The following ATP9A variants were observed in gnomAD, a reference collection of about 807,000 sequenced individuals.
The protein encoded by ATP9A is probable phospholipid-transporting ATPase IIA.
A neutral mutation model predicts 144.1 loss-of-function variants in ATP9A; 52 were observed. The observed-to-expected ratio is 0.36, with a 90% CI of 0.29 to 0.45. The LOEUF (loss-of-function observed/expected upper bound fraction) is 0.45, where lower values mean the gene tolerates loss of function less well. ATP9A is among the 20% of genes least tolerant of loss of function. The pLI is 1.00. For missense variants in ATP9A, 947 were observed against 1,392.7 expected (o/e 0.68, Z 5.09); for synonymous variants, 582 against 557.4 (o/e 1.04, Z -0.62).
At chr20:51,736,358 C>G (rs922310509) in intron 1 of ATP9A, among the ~76,000 whole-genome samples, 2 of 152,160 alleles carry the variant, frequency 1.3e-5, no homozygotes, top group Non-Finnish European at 2.9e-5. Context: ...GTGGAATGAT[C>G]TCATTTATAG....
intron 2 of ATP9A, among the ~76,000 whole-genome samples, chr20:51,729,609 G>T (rs1487481855): frequency 6.6e-6 from 1 of 152,144 alleles, no homozygotes; most frequent in Admixed American, 6.5e-5. Flanking sequence ...GCCACGCGTG[G>T]TGGCACATGC....
intron 4 of ATP9A, among the ~76,000 whole-genome samples, chr20:51,697,830 G>A (rs2426377): frequency 0.35 from 53,218 of 151,926 alleles, 9,934 homozygotes; most frequent in East Asian, 0.64. Context: ...GCAAAGTACC[G>A]GGGGAAAAAA....
chr20:51,640,061 G>C (rs1275894381), intron 14 of ATP9A, among the ~76,000 whole-genome samples: 2 of 151,996 alleles, frequency 1.3e-5, no homozygotes, highest in East Asian at 3.9e-4. Flanking sequence ...CTCCAGCCTG[G>C]GTGACATAGC....
intron 9 of ATP9A, among the ~76,000 whole-genome samples, chr20:51,680,859 C>T (rs1392189402): frequency 6.6e-6 from 1 of 152,132 alleles, no homozygotes; most frequent in African/African-American, 2.4e-5. Flanking sequence ...CAATGCCCAG[C>T]TGCTCATACT....
At chr20:51,714,061 C>T (rs1450515238) in intron 3 of ATP9A, among the ~76,000 whole-genome samples, 1 of 151,400 alleles carries the variant, frequency 6.6e-6, no homozygotes, top group Non-Finnish European at 1.5e-5. Context: ...CACGCACCAC[C>T]ACGCCCAGCT....
chr20:51,686,879 G>A (rs1023433387), intron 9 of ATP9A, among the ~76,000 whole-genome samples: 1 of 151,456 alleles, frequency 6.6e-6, no homozygotes, highest in East Asian at 1.9e-4. Flanking sequence ...AGGTTGCAGC[G>A]AGCCAAGATG....
chr20:51,634,929 C>T (rs952139463), intron 15 of ATP9A, among the ~76,000 whole-genome samples: 1 of 151,152 alleles, frequency 6.6e-6, no homozygotes. Context: ...TTCCTCAATA[C>T]AAGTGCTCAG....
At chr20:51,675,443 A>G (rs1348548454) in intron 10 of ATP9A, among the ~76,000 whole-genome samples, 1 of 152,212 alleles carries the variant, frequency 6.6e-6, no homozygotes. Flanking sequence ...TGTAGCCTGG[A>G]CAGGGCACGG....
intron 14 of ATP9A, 31 bp downstream of exon 14, chr20:51,656,907 C>T: frequency 6.3e-7 from 1 of 1,594,888 alleles, no homozygotes; most frequent in Non-Finnish European, 8.6e-7. Context: ...GCAGGGCCTC[C>T]CCATGCCTTG....
At chr20:51,673,905 C>A (rs1319210337) in intron 11 of ATP9A, among the ~76,000 whole-genome samples, 1 of 151,934 alleles carries the variant, frequency 6.6e-6, no homozygotes, top group Non-Finnish European at 1.5e-5. Flanking sequence ...CAAAAATTAG[C>A]CAGGCATGGT....
intron 24 of ATP9A, among the ~76,000 whole-genome samples, chr20:51,609,574 G>A (rs1012906853): frequency 3.3e-5 from 5 of 152,100 alleles, no homozygotes; most frequent in African/African-American, 1.2e-4. Context: ...AATGGGGGTG[G>A]GTTTGCAGGC....
chr20:51,729,095 G>A (rs1429565714), intron 2 of ATP9A, among the ~76,000 whole-genome samples: 1 of 152,148 alleles, frequency 6.6e-6, no homozygotes, highest in Non-Finnish European at 1.5e-5. Flanking sequence ...AGATTAAAAT[G>A]CATCTTTATT....
At chr20:51,731,101 C>T (rs576055283) in intron 1 of ATP9A, among the ~76,000 whole-genome samples, 14 of 150,686 alleles carry the variant, frequency 9.3e-5, no homozygotes, top group South Asian at 4.2e-4. Context: ...GTCAGGAGTT[C>T]GAGATCAGCC....
chr20:51,740,126 A>G (rs2122887550), intron 1 of ATP9A, among the ~76,000 whole-genome samples: 1 of 152,114 alleles, frequency 6.6e-6, no homozygotes, highest in South Asian at 2.1e-4. Flanking sequence ...GCGAGATCAT[A>G]GCTCTCTGGA....
At chr20:51,739,314 A>G (rs189259767) in intron 1 of ATP9A, among the ~76,000 whole-genome samples, 251 of 148,682 alleles carry the variant, frequency 1.7e-3, no homozygotes, top group Middle Eastern at 3.6e-3. Flanking sequence ...TCAGTCCTAG[A>G]CTGCCATAGA....
intron 5 of ATP9A, among the ~76,000 whole-genome samples, 181 bp from the exon 6 acceptor site, chr20:51,696,325 T>C (rs1176711911): frequency 6.6e-6 from 1 of 152,246 alleles, no homozygotes; most frequent in Non-Finnish European, 1.5e-5. Flanking sequence ...TATTTTGTTT[T>C]GAATCTGAAA....
In ATP9A at chr20:51,646,847, T is replaced by C. The variant is rs537827745; in HGVS notation, c.1507-7343A>G. Among the ~76,000 whole-genome samples, 19 of 152,290 alleles carry C rather than the reference T, an allele frequency of 1.2e-4. No individual in the cohort carries two copies. In the East Asian group the frequency reaches 3.7e-3, roughly 29 times the overall value. On this transcript the variant is annotated intron_variant, in intron 14 of 27. Transcript: ENST00000338821. ...AAAGGTCACTTCTTGCCAGGCGCAGTGGCTCACGCCTGTAATCCCAACACC... is the reference window on the plus strand; with the variant it reads ...AAAGGTCACTTCTTGCCAGGCGCAGCGGCTCACGCCTGTAATCCCAACACC...
intron 1 of ATP9A, among the ~76,000 whole-genome samples, chr20:51,730,768 G>A (rs2077737431): frequency 6.6e-6 from 1 of 152,142 alleles, no homozygotes; most frequent in African/African-American, 2.4e-5. Context: ...TCTACATATA[G>A]AAAAAATACA....
intron 1 of ATP9A, among the ~76,000 whole-genome samples, chr20:51,753,454 A>AAAC (rs11472926): frequency 0.32 from 47,897 of 149,008 alleles, 8,325 homozygotes; most frequent in East Asian, 0.67. Flanking sequence ...CCGTCTCAAA[A>AAAC]AACAACAACA....
Sources: gnomAD v4.1 joint callset for allele counts (sites outside exome capture counted in the v4.1 genomes callset) on GRCh38, gnomAD v4.1.1 for gene constraint, MANE v1.5 for transcripts, NCBI Gene and HGNC (gene_info 2026-07-23, HGNC 2026-07-21) for gene names.